Variants in SLAIN2 observed in about 807,000 individuals in gnomAD.
SLAIN2 encodes SLAIN family member 2, also known as SLAIN motif-containing protein 2.
A neutral mutation model predicts 56.6 loss-of-function variants in SLAIN2; 31 were observed. The ratio of observed to expected loss-of-function variants is 0.55; its 90% CI spans 0.41 to 0.74. The LOEUF (loss-of-function observed/expected upper bound fraction) is 0.74, where lower values mean the gene tolerates loss of function less well. SLAIN2 is among the 30% of genes least tolerant of loss of function. The probability of loss-of-function intolerance (pLI) is 0.00; values close to 1 mark genes in which losing one functional copy is unlikely to be tolerated. For missense variants in SLAIN2, 777 were observed against 754.2 expected (o/e 1.03, Z -0.35); for synonymous variants, 317 against 284.9 (o/e 1.11, Z -1.13).
In SLAIN2 at chr4:48,395,031, C is replaced by T. The variant is rs148361493; in HGVS notation, c.1360+11247C>T. On this transcript the variant is annotated intron_variant, in intron 6 of 7. Coordinates refer to ENST00000264313, the MANE Select transcript of SLAIN2 (RefSeq NM_020846.2). ...AGACTTCAATTTTTACTTTTACTTA[C>T]CTGTGTAAAATGGGAACACTTCCAC... is the stretch of plus-strand genomic sequence containing the variant. Among the ~76,000 whole-genome samples the T allele has an allele frequency of 4.5e-3, 682 of 152,244 alleles. 5 individuals carry two copies. Among genetic ancestry groups the T allele is most frequent in the Non-Finnish European group, 7.5e-3 (512 of 68,000 alleles).
chr4:48,352,290 G>A (rs1384676028), intron 1 of SLAIN2, among the ~76,000 whole-genome samples: 2 of 152,130 alleles, frequency 1.3e-5, no homozygotes, highest in Non-Finnish European at 2.9e-5. Context: ...TGAGTCCACA[G>A]TGATACTCTT....
chr4:48,382,695 TATGCATCATGCAGTATACCCTGCTG>T lies in SLAIN2; in HGVS notation c.991_1015del (p.Met331LeufsTer33). ...AAAGTTTAGATGATGAAGATGACAA[TATGCATCATGCAGTATACCCTGCTG>T]TTAACAGGTTTTCACCATCACCACG... is the stretch of plus-strand genomic sequence containing the variant. On this transcript the variant is annotated frameshift_variant, in exon 5 of 8. Transcript: ENST00000264313. LOFTEE classifies it high-confidence loss of function. 6.2e-7 allele frequency: 1 copy of T among 1,613,816 alleles called. No homozygotes were observed. The highest frequency in any genetic ancestry group is 1.1e-5 in the South Asian group (1 of 91,072).
chr4:48,381,350 A>G (rs1172409123), intron 4 of SLAIN2, among the ~76,000 whole-genome samples: 3 of 151,450 alleles, frequency 2.0e-5, no homozygotes, highest in African/African-American at 7.2e-5. Context: ...CTTGAAAACT[A>G]CAGCTTTTTT....
intron 2 of SLAIN2, among the ~76,000 whole-genome samples, chr4:48,371,198 C>T (rs555779663): frequency 6.6e-6 from 1 of 151,404 alleles, no homozygotes; most frequent in Admixed American, 6.6e-5. Flanking sequence ...CTCAGCCTCC[C>T]GAGTAGCTGG....
intron 4 of SLAIN2, among the ~76,000 whole-genome samples, chr4:48,380,453 T>C (rs1224400318): frequency 2.0e-5 from 3 of 152,120 alleles, no homozygotes; most frequent in Non-Finnish European, 2.9e-5. Context: ...TAGGAGAACA[T>C]TGGAATTGTG....
intron 1 of SLAIN2, among the ~76,000 whole-genome samples, chr4:48,344,065 G>C (rs190728020): frequency 4.3e-5 from 6 of 138,694 alleles, no homozygotes; most frequent in Non-Finnish European, 7.9e-5. Flanking sequence ...GTCTTTGGCT[G>C]CTTTGGTTCC....
intron 1 of SLAIN2, among the ~76,000 whole-genome samples, chr4:48,345,213 A>T (rs541966239): frequency 6.6e-6 from 1 of 152,304 alleles, no homozygotes; most frequent in Admixed American, 6.5e-5. Flanking sequence ...TGTCCTTTTC[A>T]CATGAATGGC....
intron 2 of SLAIN2, among the ~76,000 whole-genome samples, chr4:48,370,450 G>T (rs1715634402): frequency 6.6e-6 from 1 of 152,166 alleles, no homozygotes; most frequent in African/African-American, 2.4e-5. Flanking sequence ...GAGCTCAGTT[G>T]TCTCATAAGA....
intron 1 of SLAIN2, among the ~76,000 whole-genome samples, chr4:48,351,534 A>C (rs1715009086): frequency 6.6e-6 from 1 of 152,198 alleles, no homozygotes; most frequent in African/African-American, 2.4e-5. Context: ...AGCAAAACCC[A>C]AAAAACTGAT....
In SLAIN2 at chr4:48,368,250, T is replaced by C. The variant is rs1715577772; in HGVS notation, c.390-1599T>C. Among the ~76,000 whole-genome samples, 3 of 151,694 alleles carry C rather than the reference T, an allele frequency of 2.0e-5. No individual in the cohort carries two copies. The South Asian group carries it at 6.2e-4, about 32-fold the overall frequency. On this transcript the variant is annotated intron_variant, in intron 1 of 7. Coordinates refer to ENST00000264313, the MANE Select transcript of SLAIN2 (RefSeq NM_020846.2). ...TTTTTAGTAGAGATGGGGTTTGTAT[T>C]TTTAGTAGAGATGTTGGCCAGGCTG...
chr4:48,345,000 G>T (rs1295610235), intron 1 of SLAIN2, among the ~76,000 whole-genome samples: 1 of 152,202 alleles, frequency 6.6e-6, no homozygotes, highest in East Asian at 1.9e-4. Flanking sequence ...CAGTGTGTCA[G>T]TCTGTGCCAG....
intron 6 of SLAIN2, among the ~76,000 whole-genome samples, chr4:48,412,408 A>T (rs942804417): frequency 4.3e-5 from 2 of 46,650 alleles, no homozygotes; most frequent in African/African-American, 7.0e-5. Flanking sequence ...ACACACACAC[A>T]CACACACATT....
At chr4:48,390,278 C>T (rs1297495813) in intron 6 of SLAIN2, among the ~76,000 whole-genome samples, 5 of 151,958 alleles carry the variant, frequency 3.3e-5, no homozygotes, top group Admixed American at 3.3e-4. Flanking sequence ...GGAGTTTCAC[C>T]ATGTTGGCTA....
chr4:48,411,116 G>T (rs907263960), intron 6 of SLAIN2, among the ~76,000 whole-genome samples: 2 of 152,118 alleles, frequency 1.3e-5, no homozygotes, highest in African/African-American at 4.8e-5. Flanking sequence ...GTGTATGTGT[G>T]TGTGTGTTTA....
intron 6 of SLAIN2, among the ~76,000 whole-genome samples, chr4:48,407,881 A>G (rs1189526088): frequency 6.6e-6 from 1 of 151,934 alleles, no homozygotes; most frequent in Non-Finnish European, 1.5e-5. Context: ...CCTGGCACCC[A>G]CTCATCTACC....
At chr4:48,374,396 C>G (rs140070139) in intron 2 of SLAIN2, among the ~76,000 whole-genome samples, 7,923 of 151,988 alleles carry the variant, frequency 0.052, 318 homozygotes, top group African/African-American at 0.11. Flanking sequence ...GCCACCAGAC[C>G]CAGCTAATTT....
chr4:48,420,146 G>A lies in SLAIN2; in HGVS notation c.1382G>A (p.Arg461His), dbSNP rs755781451. The A allele has an allele frequency of 8.1e-6, 13 of 1,613,732 alleles. No homozygotes were observed. The highest frequency in any genetic ancestry group is 5.5e-5 in the South Asian group (5 of 91,084). ...ASAIPSPGKF[R>H]SPAAPSPLAL... ...ACAGTACCTTCTCCAGGCAAATTCC[G>A]TTCCCCTGCAGCACCATCTCCTTTG... The change falls in exon 7 of 8, where the codon CGT becomes CAT. Residue 461 changes from arginine to histidine, a missense_variant. By Grantham distance (29) the Arg-to-His change is conservative. Transcript: ENST00000264313.
At chr4:48,345,963 C>T (rs1714852662) in intron 1 of SLAIN2, among the ~76,000 whole-genome samples, 1 of 144,472 alleles carries the variant, frequency 6.9e-6, no homozygotes, top group South Asian at 2.4e-4. Context: ...TATCGTCAGG[C>T]CCATATAACA....
At chr4:48,362,258 G>T (rs1468900123) in intron 1 of SLAIN2, among the ~76,000 whole-genome samples, 1 of 151,650 alleles carries the variant, frequency 6.6e-6, no homozygotes, top group Non-Finnish European at 1.5e-5. Flanking sequence ...CATTAAGTCT[G>T]TTTTTGTGAA....
Sources: gnomAD v4.1 joint callset for allele counts (sites outside exome capture counted in the v4.1 genomes callset) on GRCh38, gnomAD v4.1.1 for gene constraint, MANE v1.5 for transcripts, NCBI Gene and HGNC (gene_info 2026-07-23, HGNC 2026-07-21) for gene names.